The following GRM8 variants were observed in gnomAD, a reference collection of about 807,000 sequenced individuals.
GRM8 encodes glutamate metabotropic receptor 8, also known as metabotropic glutamate receptor 8.
GRM8 carries 47 observed loss-of-function variants against 87.2 expected under a neutral mutation model. The observed-to-expected ratio is 0.54, with a 90% CI of 0.43 to 0.69. The LOEUF (loss-of-function observed/expected upper bound fraction) is 0.69. GRM8 is among the 30% of genes least tolerant of loss of function. The pLI, the probability that GRM8 is intolerant of heterozygous loss-of-function variation, is 0.00. For missense variants in GRM8, 1,019 were observed against 1,139.2 expected (o/e 0.89, Z 1.52); for synonymous variants, 396 against 404.5 (o/e 0.98, Z 0.25).
chr7:126,564,279 C>A (rs990667448), intron 8 of GRM8, among the ~76,000 whole-genome samples: 12 of 152,142 alleles, frequency 7.9e-5, no homozygotes, highest in African/African-American at 2.9e-4. Context: ...AAAGAAGATG[C>A]TAGTTGAAGC....
At chr7:127,125,801 A>ACAC (rs1563529799) in intron 2 of GRM8, among the ~76,000 whole-genome samples, 5 of 68,772 alleles carry the variant, frequency 7.3e-5, no homozygotes, top group Admixed American at 3.3e-4. Context: ...CACACACACA[A>ACAC]ATAACTATTA....
chr7:127,136,325 A>C, intron 2 of GRM8, among the ~76,000 whole-genome samples: 1 of 152,124 alleles, frequency 6.6e-6, no homozygotes, highest in East Asian at 1.9e-4. Flanking sequence ...TTCATTCCAC[A>C]GATATGATTT....
At chr7:126,777,841 G>A (rs1395569122) in intron 6 of GRM8, among the ~76,000 whole-genome samples, 1 of 152,074 alleles carries the variant, frequency 6.6e-6, no homozygotes, top group African/African-American at 2.4e-5. Context: ...TTATGGAAAA[G>A]TTGTCATAAA....
intron 7 of GRM8, among the ~76,000 whole-genome samples, chr7:126,661,847 G>T (rs1251488559): frequency 1.3e-5 from 2 of 152,166 alleles, no homozygotes; most frequent in African/African-American, 2.4e-5. Flanking sequence ...CTAACAACTT[G>T]TTTCAAATCA....
intron 6 of GRM8, among the ~76,000 whole-genome samples, chr7:126,813,391 C>G (rs1793478407): frequency 6.6e-6 from 1 of 151,930 alleles, no homozygotes; most frequent in Non-Finnish European, 1.5e-5. Flanking sequence ...CTAAAAAGTC[C>G]TAAAAAGGAA....
chr7:126,795,566 G>T (rs1821861831), intron 6 of GRM8, among the ~76,000 whole-genome samples: 1 of 151,946 alleles, frequency 6.6e-6, no homozygotes, highest in African/African-American at 2.4e-5. Flanking sequence ...CCTCTTTTTG[G>T]ATCACCAGAA....
At chr7:126,767,874 C>T (rs563307069) in intron 7 of GRM8, among the ~76,000 whole-genome samples, 31 of 152,148 alleles carry the variant, frequency 2.0e-4, no homozygotes, top group Non-Finnish European at 4.1e-4. Flanking sequence ...CCAAAGAGCT[C>T]AAAGAGATTG....
intron 9 of GRM8, among the ~76,000 whole-genome samples, chr7:126,474,056 G>A (rs991374061): frequency 5.9e-5 from 9 of 151,892 alleles, no homozygotes; most frequent in African/African-American, 1.2e-4. Context: ...TTTTATATTC[G>A]TTTTATATTC....
At chr7:126,737,956 G>A (rs1364325544) in intron 7 of GRM8, among the ~76,000 whole-genome samples, 1 of 152,100 alleles carries the variant, frequency 6.6e-6, no homozygotes, top group East Asian at 1.9e-4. Flanking sequence ...TTCTAGAGGT[G>A]ACTTTTGACC....
intron 3 of GRM8, among the ~76,000 whole-genome samples, chr7:127,058,400 G>A (rs1282290153): frequency 6.6e-6 from 1 of 152,090 alleles, no homozygotes; most frequent in African/African-American, 2.4e-5. Context: ...GTTTTCACGG[G>A]GATAGATTTC....
intron 4 of GRM8, 69 bp from the exon 5 acceptor site, chr7:126,904,195 A>G: frequency 1.5e-6 from 2 of 1,325,074 alleles, no homozygotes; most frequent in Non-Finnish European, 2.1e-6. Flanking sequence ...ATATTACAAG[A>G]CCAGATTTAG....
intron 6 of GRM8, among the ~76,000 whole-genome samples, chr7:126,889,846 G>A (rs1304486797): frequency 1.3e-5 from 2 of 151,990 alleles, no homozygotes; most frequent in African/African-American, 4.8e-5. Context: ...AATGAGGGAT[G>A]CTCATGCCAT....
intron 9 of GRM8, among the ~76,000 whole-genome samples, chr7:126,523,165 G>T (rs1813252965): frequency 6.6e-6 from 1 of 152,056 alleles, no homozygotes; most frequent in Non-Finnish European, 1.5e-5. Context: ...CTGCATCAAA[G>T]ATTTTCTTTA....
intron 9 of GRM8, among the ~76,000 whole-genome samples, chr7:126,504,075 C>T (rs946822870): frequency 6.6e-6 from 1 of 151,932 alleles, no homozygotes; most frequent in Non-Finnish European, 1.5e-5. Context: ...CTAATATTTT[C>T]CTTTTTATTG....
At chr7:126,922,993 T>C (rs1324007927) in intron 3 of GRM8, among the ~76,000 whole-genome samples, 1 of 152,172 alleles carries the variant, frequency 6.6e-6, no homozygotes, top group Non-Finnish European at 1.5e-5. Flanking sequence ...TTAAACCTCT[T>C]GTCTTTATAA....
intron 7 of GRM8, among the ~76,000 whole-genome samples, chr7:126,748,387 T>C (rs149713121): frequency 6.6e-6 from 1 of 152,090 alleles, no homozygotes; most frequent in East Asian, 1.9e-4. Flanking sequence ...ATAATTGCAC[T>C]CACAAGACCA....
intron 3 of GRM8, among the ~76,000 whole-genome samples, chr7:126,947,677 C>T (rs1314657036): frequency 6.6e-6 from 1 of 152,016 alleles, no homozygotes; most frequent in Non-Finnish European, 1.5e-5. Context: ...GACAGTGAAA[C>T]AAGCCCCGAG....
Position 127,002,421 on chromosome 7 carries a change from C to T in GRM8, c.728-97738G>A, listed in dbSNP as rs1347209859. On this transcript the variant is annotated intron_variant, in intron 3 of 10. Coordinates refer to ENST00000339582, the MANE Select transcript of GRM8 (RefSeq NM_000845.3). ...TCCTCCTACCCAGCTGGGAAATATCCACAGTCTTTTCTACTGCAATGTACA... is the reference window on the plus strand; with the variant it reads ...TCCTCCTACCCAGCTGGGAAATATCTACAGTCTTTTCTACTGCAATGTACA... 2.0e-5 allele frequency among the ~76,000 whole-genome samples: 3 copies of T among 151,542 alleles called. No individual in the cohort carries two copies. In the Admixed American group the frequency reaches 2.0e-4, roughly 10 times the overall value.
intron 3 of GRM8, among the ~76,000 whole-genome samples, chr7:126,943,186 G>A (rs1432015739): frequency 1.3e-5 from 2 of 152,150 alleles, no homozygotes; most frequent in African/African-American, 2.4e-5. Context: ...TGAAGAAACT[G>A]ACAAATTACT....
Sources: gnomAD v4.1 joint callset for allele counts (sites outside exome capture counted in the v4.1 genomes callset) on GRCh38, gnomAD v4.1.1 for gene constraint, MANE v1.5 for transcripts, NCBI Gene and HGNC (gene_info 2026-07-23, HGNC 2026-07-21) for gene names.